Variants in RPS6KC1 observed in about 807,000 individuals in gnomAD.
RPS6KC1 encodes inactive ribosomal protein S6 kinase delta-1.
Under a neutral mutation model 103.8 loss-of-function variants are expected in RPS6KC1, and 54 were observed. That is an observed-to-expected ratio of 0.52 (90% confidence interval 0.42 to 0.65). The LOEUF (loss-of-function observed/expected upper bound fraction) is 0.65. Among genes scored for constraint, RPS6KC1 ranks in the 30% least tolerant of loss-of-function variants. The pLI, the probability that RPS6KC1 is intolerant of heterozygous loss-of-function variation, is 0.00. For synonymous variants in RPS6KC1, 439 were observed against 438.7 expected, an observed-to-expected ratio of 1.00 and a Z score of -0.01; for missense variants, 1,151 against 1,253.8, an observed-to-expected ratio of 0.92 and a Z score of 1.24.
intron 4 of RPS6KC1, among the ~76,000 whole-genome samples, chr1:213,110,982 T>C (rs1199670237): frequency 6.6e-6 from 1 of 151,928 alleles, no homozygotes; most frequent in Non-Finnish European, 1.5e-5. Context: ...CCAAATCACA[T>C]TAGCCTCCTC....
the RPS6KC1 span, among the ~76,000 whole-genome samples, chr1:213,598,149 A>AT: frequency 6.6e-6 from 1 of 152,216 alleles, no homozygotes; most frequent in Admixed American, 6.5e-5. Flanking sequence ...GTGAGAAAGC[A>AT]TATCTTTGTC....
At chr1:213,148,218 T>C (rs1168007088) in intron 6 of RPS6KC1, among the ~76,000 whole-genome samples, 1 of 152,216 alleles carries the variant, frequency 6.6e-6, no homozygotes, top group Non-Finnish European at 1.5e-5. Flanking sequence ...TAGTACTGTG[T>C]TGAATAACAG....
At chr1:213,840,444 C>A in the RPS6KC1 span, 1 of 152,090 alleles carries the variant, frequency 6.6e-6, no homozygotes, top group Non-Finnish European at 1.5e-5. Context: ...TATGAAGTTT[C>A]TTTCAAAACA....
intron 10 of RPS6KC1, among the ~76,000 whole-genome samples, chr1:213,236,323 G>A (rs950973186): frequency 6.6e-6 from 1 of 152,110 alleles, no homozygotes; most frequent in African/African-American, 2.4e-5. Flanking sequence ...AAGGTAGAAC[G>A]GCATGATTCT....
the RPS6KC1 span, among the ~76,000 whole-genome samples, chr1:213,734,096 T>G: frequency 6.6e-6 from 1 of 152,218 alleles, no homozygotes; most frequent in Non-Finnish European, 1.5e-5. Context: ...AAGTGATTAT[T>G]GCTAATTTAC....
chr1:213,823,044 G>A, the RPS6KC1 span, among the ~76,000 whole-genome samples: 1 of 152,110 alleles, frequency 6.6e-6, no homozygotes, highest in Non-Finnish European at 1.5e-5. Context: ...CCCAGGCCCT[G>A]CCCGTGTCTC....
At chr1:213,594,549 AC>A in the RPS6KC1 span, among the ~76,000 whole-genome samples, 1 of 152,186 alleles carries the variant, frequency 6.6e-6, no homozygotes, top group Non-Finnish European at 1.5e-5. Flanking sequence ...TTTGAAACTG[AC>A]TTTTAATCAA....
At chr1:213,482,836 T>G in the RPS6KC1 span, among the ~76,000 whole-genome samples, 1 of 152,064 alleles carries the variant, frequency 6.6e-6, no homozygotes, top group Admixed American at 6.6e-5. Flanking sequence ...AATAAGGAAA[T>G]GTAAACAACC....
At chr1:213,263,347 TA>T (rs560035012) in intron 14 of RPS6KC1, among the ~76,000 whole-genome samples, 246 of 152,326 alleles carry the variant, frequency 1.6e-3, no homozygotes, top group African/African-American at 5.8e-3. Flanking sequence ...CATTGATAAT[TA>T]AAGTTCAGTA....
chr1:213,722,003 G>A, the RPS6KC1 span, among the ~76,000 whole-genome samples: 126 of 151,974 alleles, frequency 8.3e-4, no homozygotes, highest in African/African-American at 2.7e-3. Flanking sequence ...TCTCCCCTCC[G>A]TGCCCACTCC....
chr1:213,667,015 G>C, the RPS6KC1 span, among the ~76,000 whole-genome samples: 1 of 152,148 alleles, frequency 6.6e-6, no homozygotes, highest in Non-Finnish European at 1.5e-5. Context: ...GGGTTCAAAG[G>C]GCTCACTCCT....
chr1:213,254,597 A>G (rs2094602462), intron 12 of RPS6KC1, among the ~76,000 whole-genome samples: 1 of 152,216 alleles, frequency 6.6e-6, no homozygotes, highest in African/African-American at 2.4e-5. Flanking sequence ...AAGAGGCTGA[A>G]AGAATGTTAG....
the RPS6KC1 span, among the ~76,000 whole-genome samples, chr1:213,753,894 A>C: frequency 2.0e-5 from 3 of 152,140 alleles, no homozygotes; most frequent in Non-Finnish European, 4.4e-5. Context: ...GTGATGTGCC[A>C]GTTGAGGGGA....
chr1:213,270,769 A>T (rs1294940247), intron 14 of RPS6KC1, among the ~76,000 whole-genome samples: 1 of 152,230 alleles, frequency 6.6e-6, no homozygotes, highest in Non-Finnish European at 1.5e-5. Flanking sequence ...ATTCAGTTTT[A>T]AAATGGGCGG....
chr1:213,860,335 G>C, the RPS6KC1 span, among the ~76,000 whole-genome samples: 1 of 151,446 alleles, frequency 6.6e-6, no homozygotes, highest in Admixed American at 6.6e-5. Context: ...TCACTTCAAC[G>C]ACTATTTATG....
At chr1:213,567,179 T>C in the RPS6KC1 span, among the ~76,000 whole-genome samples, 2 of 152,190 alleles carry the variant, frequency 1.3e-5, no homozygotes, top group African/African-American at 4.8e-5. Context: ...TGTGATCATG[T>C]GTTATCAGAG....
intron 12 of RPS6KC1, among the ~76,000 whole-genome samples, chr1:213,257,618 C>G (rs2094679141): frequency 6.6e-6 from 1 of 152,024 alleles, no homozygotes; most frequent in Non-Finnish European, 1.5e-5. Flanking sequence ...ATGTAGTGAG[C>G]AGCCAGGAAA....
chr1:213,790,481 C>T, the RPS6KC1 span, among the ~76,000 whole-genome samples: 1 of 151,862 alleles, frequency 6.6e-6, no homozygotes, highest in African/African-American at 2.4e-5. Flanking sequence ...TTGTGTGCAA[C>T]AGGAAATGTT....
chr1:213,854,561 T>TC, the RPS6KC1 span, among the ~76,000 whole-genome samples: 5 of 94,950 alleles, frequency 5.3e-5, no homozygotes, highest in African/African-American at 3.4e-4. Flanking sequence ...TCTTTCTTTC[T>TC]TTCTCTCTCT....
Sources: gnomAD v4.1 joint callset for allele counts (sites outside exome capture counted in the v4.1 genomes callset) on GRCh38, gnomAD v4.1.1 for gene constraint, MANE v1.5 for transcripts, NCBI Gene and HGNC (gene_info 2026-07-23, HGNC 2026-07-21) for gene names.